CADPS2: variants seen among roughly 807,000 people sequenced by gnomAD.
CADPS2 encodes the protein calcium-dependent secretion activator 2.
In CADPS2, 93 loss-of-function variants were observed where a neutral mutation model predicts 172.5. The observed-to-expected ratio is 0.54, with a 90% CI of 0.46 to 0.64. The LOEUF is 0.64. CADPS2 is among the 30% of genes least tolerant of loss of function. CADPS2 has a pLI of 0.00. For missense variants in CADPS2, 1,420 were observed against 1,565.9 expected, an observed-to-expected ratio of 0.91 and a Z score of 1.57; for synonymous variants, 546 against 555.2, an observed-to-expected ratio of 0.98 and a Z score of 0.23.
chr7:122,502,960 A>AT (rs2059326835), intron 9 of CADPS2, among the ~76,000 whole-genome samples: 1 of 152,066 alleles, frequency 6.6e-6, no homozygotes, highest in Non-Finnish European at 1.5e-5. Context: ...ATTTTCAGCC[A>AT]TAACACTTAT....
At chr7:122,371,771 G>T (rs1301122114) in intron 25 of CADPS2, among the ~76,000 whole-genome samples, 1 of 152,142 alleles carries the variant, frequency 6.6e-6, no homozygotes, top group East Asian at 1.9e-4. Context: ...ATGTCCTCCT[G>T]TGTGATGTGC....
At chr7:122,330,892 T>A (rs2034826608) in intron 28 of CADPS2, 1 of 152,250 alleles carries the variant, frequency 6.6e-6, no homozygotes, top group African/African-American at 2.4e-5. Flanking sequence ...GCACCTTCTC[T>A]ATGCCTCAGC....
At chr7:122,448,850 G>A (rs1563367010) in intron 15 of CADPS2, among the ~76,000 whole-genome samples, 2 of 152,010 alleles carry the variant, frequency 1.3e-5, no homozygotes, top group South Asian at 4.2e-4. Flanking sequence ...TAGCTTCTAC[G>A]ACTTCCTTTG....
At chr7:122,574,929 C>T (rs1440219496) in intron 7 of CADPS2, among the ~76,000 whole-genome samples, 3 of 152,148 alleles carry the variant, frequency 2.0e-5, no homozygotes, top group South Asian at 2.1e-4. Context: ...GCAGATGCCA[C>T]CTTAACCAAG....
chr7:122,684,371 TC>T (rs1157180794), intron 2 of CADPS2, among the ~76,000 whole-genome samples: 1 of 152,044 alleles, frequency 6.6e-6, no homozygotes, highest in East Asian at 1.9e-4. Context: ...AGCATGATTT[TC>T]CCCCAATATT....
chr7:122,421,592 G>A (rs560485773), intron 17 of CADPS2, among the ~76,000 whole-genome samples: 4 of 152,208 alleles, frequency 2.6e-5, no homozygotes, highest in African/African-American at 7.2e-5. Flanking sequence ...AAGGTACTTC[G>A]CTAGCCACTG....
At chr7:122,468,975 T>C (rs965044977) in intron 14 of CADPS2, among the ~76,000 whole-genome samples, 5 of 152,332 alleles carry the variant, frequency 3.3e-5, no homozygotes, top group African/African-American at 1.2e-4. Context: ...CTACCAGAGA[T>C]ACCTGAATGT....
chr7:122,399,435 T>G, intron 20 of CADPS2, among the ~76,000 whole-genome samples: 1 of 152,160 alleles, frequency 6.6e-6, no homozygotes, highest in East Asian at 1.9e-4. Flanking sequence ...TAACCGAAGC[T>G]TATAAGGCAA....
intron 17 of CADPS2, among the ~76,000 whole-genome samples, chr7:122,418,207 A>G (rs2048155979): frequency 6.6e-6 from 1 of 152,150 alleles, no homozygotes. Flanking sequence ...TTGAGAGCCA[A>G]TTATGTGTCA....
chr7:122,595,734 A>G (rs1030001330), intron 6 of CADPS2, among the ~76,000 whole-genome samples: 1 of 152,074 alleles, frequency 6.6e-6, no homozygotes, highest in African/African-American at 2.4e-5. Context: ...TAGTTGAAAT[A>G]AAGAGAATTT....
chr7:122,446,511 T>A (rs981214068), intron 15 of CADPS2, among the ~76,000 whole-genome samples: 7 of 152,194 alleles, frequency 4.6e-5, no homozygotes, highest in Non-Finnish European at 8.8e-5. Context: ...CTGATACCCA[T>A]GAGTTGGTTT....
intron 1 of CADPS2, among the ~76,000 whole-genome samples, chr7:122,794,659 A>G (rs1237170734): frequency 2.0e-5 from 3 of 151,944 alleles, no homozygotes; most frequent in Non-Finnish European, 2.9e-5. Flanking sequence ...ACAACACAAT[A>G]TACATTGTTC....
chr7:122,559,809 G>A (rs1313395949), intron 7 of CADPS2, among the ~76,000 whole-genome samples: 2 of 149,544 alleles, frequency 1.3e-5, no homozygotes, highest in Admixed American at 6.7e-5. Flanking sequence ...GAAAAAGAGA[G>A]AAGATAACCC....
chr7:122,674,942 A>T (rs2082242899), intron 2 of CADPS2, among the ~76,000 whole-genome samples: 1 of 152,252 alleles, frequency 6.6e-6, no homozygotes, highest in Non-Finnish European at 1.5e-5. Context: ...TTCAGGTGTT[A>T]TCAATTCATG....
chr7:122,678,775 A>G (rs1186835122), intron 2 of CADPS2, among the ~76,000 whole-genome samples: 2 of 152,226 alleles, frequency 1.3e-5, no homozygotes, highest in African/African-American at 4.8e-5. Flanking sequence ...CCATAGGACT[A>G]CTGAACAGTA....
At chr7:122,523,511 G>A (rs1335406138) in intron 8 of CADPS2, among the ~76,000 whole-genome samples, 1 of 152,024 alleles carries the variant, frequency 6.6e-6, no homozygotes, top group Non-Finnish European at 1.5e-5. Context: ...TTCATGATCA[G>A]TGCTGATATT....
intron 1 of CADPS2, among the ~76,000 whole-genome samples, chr7:122,884,021 C>G (rs1585155233): frequency 6.6e-6 from 1 of 152,076 alleles, no homozygotes; most frequent in Non-Finnish European, 1.5e-5. Context: ...ACTATTTGAA[C>G]AGCTAAGGGA....
intron 2 of CADPS2, among the ~76,000 whole-genome samples, chr7:122,696,719 T>C (rs138241394): frequency 9.1e-4 from 139 of 152,324 alleles, no homozygotes; most frequent in African/African-American, 3.1e-3. Context: ...GGGCTAAAAT[T>C]ATAATTTAAT....
chr7:122,713,271 A>T (rs748152759), intron 2 of CADPS2, among the ~76,000 whole-genome samples: 17 of 148,624 alleles, frequency 1.1e-4, no homozygotes, highest in Non-Finnish European at 2.2e-4. Flanking sequence ...TTGCAAGTTT[A>T]ATTAATTTTT....
Sources: allele counts gnomAD v4.1 joint callset (sites outside exome capture counted in the v4.1 genomes callset), GRCh38; gene constraint gnomAD v4.1.1; transcripts MANE v1.5; gene names NCBI Gene and HGNC (gene_info 2026-07-23, HGNC 2026-07-21).